ZMYND8: variants seen among roughly 807,000 people sequenced by gnomAD.
ZMYND8 encodes MYND-type zinc finger-containing chromatin reader ZMYND8.
ZMYND8 carries 37 observed loss-of-function variants against 140.8 expected under a neutral mutation model. The ratio of observed to expected loss-of-function variants is 0.26; its 90% CI spans 0.20 to 0.35. The LOEUF is 0.35. ZMYND8 is among the 10% of genes least tolerant of loss of function. The pLI is 1.00. For missense variants in ZMYND8, 1,068 were observed against 1,570.0 expected (o/e 0.68, Z 5.40); for synonymous variants, 592 against 597.1 (o/e 0.99, Z 0.12).
At chr20:47,328,388 T>A (rs1436929418) in intron 2 of ZMYND8, among the ~76,000 whole-genome samples, 1 of 152,184 alleles carries the variant, frequency 6.6e-6, no homozygotes, top group African/African-American at 2.4e-5. Context: ...TACTTTGGCT[T>A]GTTGTCAAGG....
intron 2 of ZMYND8, among the ~76,000 whole-genome samples, chr20:47,329,056 T>C (rs538797719): frequency 6.6e-5 from 10 of 152,264 alleles, no homozygotes; most frequent in South Asian, 6.2e-4. Context: ...CTTGCAAAGA[T>C]AGAAAGAGGA....
intron 12 of ZMYND8, among the ~76,000 whole-genome samples, chr20:47,250,152 T>G (rs997998505): frequency 2.0e-5 from 3 of 152,148 alleles, no homozygotes; most frequent in African/African-American, 4.8e-5. Context: ...CAGAGGCCTC[T>G]GGGGGGTGAC....
chr20:47,340,496 TAA>T (rs879568682), intron 2 of ZMYND8, among the ~76,000 whole-genome samples: 6 of 138,838 alleles, frequency 4.3e-5, no homozygotes, highest in Admixed American at 7.3e-5. Context: ...TTCCATGTCT[TAA>T]AAAAAAAAAA....
In ZMYND8 at chr20:47,302,727, C is replaced by T. The variant is rs117599556; in HGVS notation, c.235-3780G>A. 3.2e-3 allele frequency among the ~76,000 whole-genome samples: 492 copies of T among 152,234 alleles called. 2 individuals are homozygous for T. Among genetic ancestry groups the T allele is most frequent in the Non-Finnish European group, 5.5e-3 (371 of 68,024 alleles). On this transcript the variant is annotated intron_variant, in intron 3 of 22. Transcript: ENST00000471951. The stretch of plus-strand genomic sequence containing the variant: ...CTTCCCTATAGCCCTCATAAGACAA[C>T]GTTGAATCCAGGAGAGTGTGTGTTG...
At chr20:47,334,597 A>AT (rs2081235935) in intron 2 of ZMYND8, among the ~76,000 whole-genome samples, 1 of 139,950 alleles carries the variant, frequency 7.1e-6, no homozygotes, top group East Asian at 2.1e-4. Context: ...AACTCTGTGA[A>AT]AAAAAAAAAT....
intron 2 of ZMYND8, among the ~76,000 whole-genome samples, chr20:47,344,611 C>A (rs1602126936): frequency 6.6e-6 from 1 of 152,120 alleles, no homozygotes; most frequent in African/African-American, 2.4e-5. Flanking sequence ...CGAAGGAAAT[C>A]TGAATAAGGG....
At position 47,249,001 on chromosome 20, in the gene ZMYND8, G is replaced by T. The variant is rs562955902; in HGVS notation, c.1774+286C>A. 3.3e-5 allele frequency among the ~76,000 whole-genome samples: 5 copies of T among 152,308 alleles called. No individual in the cohort carries two copies. In the South Asian group the frequency reaches 1.0e-3, roughly 32 times the overall value. The stretch of plus-strand genomic sequence containing the variant: ...AGGAGAGCAGAGGCAAAACTCAGAG[G>T]ATCCTCATTCTGCTTGCAAACCTTG... On this transcript the variant is annotated intron_variant, in intron 13 of 22. Coordinates refer to ENST00000471951, the MANE Select transcript of ZMYND8 (RefSeq NM_001281775.3).
At chr20:47,345,729 G>A (rs956237815) in intron 2 of ZMYND8, among the ~76,000 whole-genome samples, 9 of 150,208 alleles carry the variant, frequency 6.0e-5, no homozygotes, top group East Asian at 2.0e-4. Context: ...GGCTGGTCTC[G>A]AACTCCTGAG....
chr20:47,220,033 C>T (rs1242181330), intron 21 of ZMYND8, among the ~76,000 whole-genome samples: 1 of 152,142 alleles, frequency 6.6e-6, no homozygotes. Flanking sequence ...TATGTGGATC[C>T]CCAGTAAATA....
intron 1 of ZMYND8, chr20:47,352,470 C>T: frequency 1.0e-6 from 1 of 985,426 alleles, no homozygotes; most frequent in Non-Finnish European, 1.2e-6. Context: ...ATCCAATGCA[C>T]AGGATACTCA....
chr20:47,276,774 A>G lies in ZMYND8; in HGVS notation c.1020T>C (p.Asn340=). 1 of 1,611,348 alleles carries G rather than the reference A, an allele frequency of 6.2e-7. No individual in the cohort carries two copies. Among genetic ancestry groups the G allele is most frequent in the Non-Finnish European group, 8.5e-7 (1 of 1,178,602 alleles). Residue 340 remains asparagine (N), a synonymous_variant, in exon 11 of 23, where the codon AAT becomes AAC. Transcript: ENST00000471951. ...QHDRAWVPIN[N]CYLMSKEIPF... ...GAATTTCTTTAGACATGAGGTAGCA[A>G]TTATTTATTGGAACCCAGGCCCTAG...
At position 47,262,442 on chromosome 20, in the gene ZMYND8, G is replaced by C; in HGVS notation, c.1481-14C>G. The C allele has an allele frequency of 6.2e-7, 1 of 1,613,972 alleles. No homozygotes were observed. The highest frequency in any genetic ancestry group is 8.5e-7 in the Non-Finnish European group (1 of 1,179,964). ...AGGCTGGTGAAGCTGAAAAAGTATG[G>C]CATTGTTAAAAGACAGGTTTACAAA... On this transcript the variant is annotated splice_polypyrimidine_tract_variant and intron_variant, in intron 11 of 22. Transcript: ENST00000471951.
chr20:47,279,340 C>G (rs181339941), intron 10 of ZMYND8, among the ~76,000 whole-genome samples: 1 of 151,924 alleles, frequency 6.6e-6, no homozygotes, highest in African/African-American at 2.4e-5. Flanking sequence ...TGTGGTGGCA[C>G]GCCCCTGTAA....
rs143082236 is a variant in ZMYND8, at chr20:47,216,430, G to T, written c.3485-3705C>A. Among the ~76,000 whole-genome samples, 984 of 143,096 alleles carry T rather than the reference G, an allele frequency of 6.9e-3. 13 individuals carry two copies. Among genetic ancestry groups the T allele is most frequent in the African/African-American group, 0.024 (925 of 37,780 alleles). 93.9% of individuals were successfully genotyped at this position (143,096 alleles called of 152,430 possible). On this transcript the variant is annotated intron_variant, in intron 21 of 22. Coordinates refer to ENST00000471951, the MANE Select transcript of ZMYND8 (RefSeq NM_001281775.3). The stretch of plus-strand genomic sequence containing the variant: ...GAATCACCTGAATTGAGGAGGCAAA[G>T]GTTGTAGTGAGCCAAGATCACGCAA...
chr20:47,328,977 C>G (rs890143031), intron 2 of ZMYND8, among the ~76,000 whole-genome samples: 1 of 152,208 alleles, frequency 6.6e-6, no homozygotes, highest in Non-Finnish European at 1.5e-5. Context: ...AACTTTACCC[C>G]AGTCAGGCCT....
chr20:47,316,128 C>G (rs933587671), intron 2 of ZMYND8, among the ~76,000 whole-genome samples: 8 of 151,794 alleles, frequency 5.3e-5, no homozygotes, highest in Admixed American at 5.2e-4. Flanking sequence ...GTCAGGAGTT[C>G]GAGACCAGCC....
intron 14 of ZMYND8, among the ~76,000 whole-genome samples, chr20:47,239,494 C>T (rs2039679214): frequency 6.6e-6 from 1 of 152,200 alleles, no homozygotes; most frequent in African/African-American, 2.4e-5. Context: ...ATGTTCACGC[C>T]CTTTTCGCAA....
At chr20:47,292,429 CAA>C (rs1010703538) in intron 5 of ZMYND8, among the ~76,000 whole-genome samples, 8 of 150,906 alleles carry the variant, frequency 5.3e-5, no homozygotes, top group Non-Finnish European at 8.9e-5. Context: ...AAAAAAAAAA[CAA>C]AAAAATTGTG....
intron 22 of ZMYND8, among the ~76,000 whole-genome samples, chr20:47,211,663 G>A (rs2035276739): frequency 6.6e-6 from 1 of 152,202 alleles, no homozygotes. Context: ...GCTGACTGGA[G>A]AAACCTTCCA....
Sources: allele counts gnomAD v4.1 joint callset (sites outside exome capture counted in the v4.1 genomes callset), GRCh38; gene constraint gnomAD v4.1.1; transcripts MANE v1.5; gene names NCBI Gene and HGNC (gene_info 2026-07-23, HGNC 2026-07-21).